The following KATNBL1 variants were observed in gnomAD, a reference collection of about 807,000 sequenced individuals.
KATNBL1 encodes katanin regulatory subunit B1 like 1, also known as KATNB1-like protein 1.
KATNBL1 carries 28 observed loss-of-function variants against 44.7 expected under a neutral mutation model. The observed-to-expected ratio is 0.63, with a 90% CI of 0.46 to 0.86. KATNBL1 has a LOEUF of 0.86. Ranked by LOEUF, KATNBL1 falls within the 40% of genes least tolerant of loss-of-function variation. The pLI is 0.00. For missense variants in KATNBL1, 272 were observed against 350.7 expected (o/e 0.78, Z 1.79); for synonymous variants, 78 against 114.9 (o/e 0.68, Z 2.06).
intron 1 of KATNBL1, among the ~76,000 whole-genome samples, chr15:34,195,693 A>AAAAAAAAAAAAAAAAAAAAAAAAAAC (rs1359933138): frequency 1.3e-5 from 2 of 150,238 alleles, no homozygotes; most frequent in African/African-American, 5.0e-5. Context: ...GCCATCTCAA[A>AAAAAAAAAAAAAAAAAAAAAAAAAAC]AAAAAAAAAA....
At chr15:34,148,772 T>G in intron 4 of KATNBL1, 22 bp from the exon 5 acceptor site, 1 of 1,351,622 alleles carries the variant, frequency 7.4e-7, no homozygotes. Context: ...TAATCTGATT[T>G]GTTAAAAAGC....
chr15:34,195,690 C>CAAAAAAAAAAAAAAAAAAAAAAAAAAAA (rs5811824), intron 1 of KATNBL1, among the ~76,000 whole-genome samples: 23 of 111,374 alleles, frequency 2.1e-4, no homozygotes, highest in African/African-American at 7.7e-4. Context: ...GACGCCATCT[C>CAAAAAAAAAAAAAAAAAAAAAAAAAAAA]AAAAAAAAAA....
chr15:34,184,932 ACTT>A (rs1454897923), intron 1 of KATNBL1, among the ~76,000 whole-genome samples: 1 of 151,044 alleles, frequency 6.6e-6, no homozygotes, highest in East Asian at 2.0e-4. Context: ...CTTCCTTTCT[ACTT>A]CATCATAGCC....
intron 4 of KATNBL1, among the ~76,000 whole-genome samples, chr15:34,152,026 T>C (rs1280743450): frequency 1.3e-5 from 2 of 151,062 alleles, no homozygotes; most frequent in Admixed American, 6.6e-5. Context: ...CTGCAACCTC[T>C]GCCTCCCAGG....
At chr15:34,157,247 G>C (rs1209139163) in intron 2 of KATNBL1, among the ~76,000 whole-genome samples, 2 of 152,220 alleles carry the variant, frequency 1.3e-5, no homozygotes, top group Non-Finnish European at 2.9e-5. Context: ...ACCCGTTTTA[G>C]CTTTAGCTTG....
Position 34,146,863 on chromosome 15 carries a change from T to C in KATNBL1, c.699-13A>G. The C allele has an allele frequency of 6.5e-7, 1 of 1,532,364 alleles. No individual in the cohort carries two copies. Among genetic ancestry groups the C allele is most frequent in the Non-Finnish European group, 9.0e-7 (1 of 1,108,266 alleles). 94.9% of individuals were successfully genotyped at this position (1,532,364 alleles called of 1,614,324 possible). On this transcript the variant is annotated splice_polypyrimidine_tract_variant and intron_variant, in intron 7 of 9. Transcript: ENST00000256544. ...AACTATAACATATCTGAAATGACAT[T>C]TTGTTACAAAATTCAAGTGTTTTCA...
intron 5 of KATNBL1, among the ~76,000 whole-genome samples, chr15:34,148,183 A>G (rs1252268478): frequency 6.6e-6 from 1 of 152,188 alleles, no homozygotes; most frequent in African/African-American, 2.4e-5. Flanking sequence ...TAGTTTTCCC[A>G]TATCGTTATC....
At position 34,140,888 on chromosome 15, in the gene KATNBL1, T is replaced by C. The variant is rs898159036; in HGVS notation, c.*1451A>G. On this transcript the variant is annotated 3_prime_UTR_variant, in exon 10 of 10. Coordinates refer to ENST00000256544, the MANE Select transcript of KATNBL1 (RefSeq NM_024713.3). ...TCACTGTGAGGAATATCTAGCTATA[T>C]AAAATATAGCTACACAAAACCAGAA... 1.3e-5 allele frequency: 2 copies of C among 152,114 alleles called. No homozygotes were observed. The highest frequency in any genetic ancestry group is 6.6e-5 in the Admixed American group (1 of 15,246). 9.4% of individuals were successfully genotyped at this position (152,114 alleles called of 1,614,324 possible). A position where few individuals can be genotyped will look rare whatever the true frequency, so the allele number is the denominator to read the frequency against.
intron 1 of KATNBL1, among the ~76,000 whole-genome samples, chr15:34,188,146 A>AAAAAAAAAAAAC: frequency 6.9e-6 from 1 of 144,708 alleles, no homozygotes; most frequent in Non-Finnish European, 1.5e-5. Context: ...GTAAAAAAAA[A>AAAAAAAAAAAAC]AAAAAAAAAA....
intron 1 of KATNBL1, among the ~76,000 whole-genome samples, chr15:34,207,429 C>T (rs776113026): frequency 2.8e-4 from 43 of 151,994 alleles, no homozygotes; most frequent in African/African-American, 7.5e-4. Flanking sequence ...AGGATGGTCT[C>T]GATCTCCTGA....
intron 2 of KATNBL1, among the ~76,000 whole-genome samples, chr15:34,155,882 T>C (rs558184046): frequency 7.9e-5 from 12 of 152,356 alleles, no homozygotes; most frequent in African/African-American, 2.9e-4. Context: ...TCTCAGGTCT[T>C]AAATTTATTT....
chr15:34,198,178 G>T (rs1173140605), intron 1 of KATNBL1: 1 of 152,180 alleles, frequency 6.6e-6, no homozygotes, highest in African/African-American at 2.4e-5. Flanking sequence ...GTAAAATTAT[G>T]AAATTCAGTG....
intron 1 of KATNBL1, among the ~76,000 whole-genome samples, chr15:34,206,013 A>G (rs533678691): frequency 1.1e-4 from 17 of 152,320 alleles, no homozygotes; most frequent in African/African-American, 4.1e-4. Flanking sequence ...CTCACCAAAG[A>G]ACACCCCTCA....
intron 3 of KATNBL1, 108 bp downstream of exon 3, chr15:34,154,536 A>G: frequency 1.3e-6 from 1 of 744,984 alleles, no homozygotes; most frequent in African/African-American, 1.8e-5. Flanking sequence ...GCTGTTTGAC[A>G]ATAAGTTAAT....
chr15:34,181,709 T>C (rs1325224727), intron 1 of KATNBL1, among the ~76,000 whole-genome samples: 1 of 31,670 alleles, frequency 3.2e-5, no homozygotes, highest in African/African-American at 9.5e-5. Flanking sequence ...TATCCATATA[T>C]ATGGACATAT....
Position 34,179,166 on chromosome 15 carries a change from CAG to C in KATNBL1, c.-14-15478_-14-15477del, listed in dbSNP as rs377730843. Among the ~76,000 whole-genome samples, 21 of 152,264 alleles carry C rather than the reference CAG, an allele frequency of 1.4e-4. No individual in the cohort carries two copies. In the South Asian group the frequency reaches 4.4e-3, roughly 32 times the overall value. On this transcript the variant is annotated intron_variant, in intron 1 of 9. Coordinates refer to ENST00000256544, the MANE Select transcript of KATNBL1 (RefSeq NM_024713.3). ...CTGAGACTGGGTAATTTATAAAGAA[CAG>C]AGGTTTATTTTGTTTAGTTCTAGAG...
At chr15:34,176,992 A>C (rs1263772442) in intron 1 of KATNBL1, among the ~76,000 whole-genome samples, 2 of 152,192 alleles carry the variant, frequency 1.3e-5, no homozygotes, top group Non-Finnish European at 2.9e-5. Flanking sequence ...AAAAGTGAAG[A>C]ATCTGAAATG....
In KATNBL1 at chr15:34,170,067, C is replaced by T. The variant is rs543624464; in HGVS notation, c.-14-6377G>A. Among the ~76,000 whole-genome samples the T allele has an allele frequency of 4.1e-3, 617 of 152,212 alleles. 6 individuals are homozygous for T. Among genetic ancestry groups the T allele is most frequent in the African/African-American group, 0.014 (591 of 41,532 alleles). ...CCTCTCTCACCACTCCTATTCAACA[C>T]AGTGTTGGAAGTTCTGGCCAGGGCA... On this transcript the variant is annotated intron_variant, in intron 1 of 9. Coordinates refer to ENST00000256544, the MANE Select transcript of KATNBL1 (RefSeq NM_024713.3).
At chr15:34,169,447 A>C (rs755854897) in intron 1 of KATNBL1, among the ~76,000 whole-genome samples, 6 of 152,226 alleles carry the variant, frequency 3.9e-5, no homozygotes, top group Admixed American at 6.5e-5. Context: ...GGCAATAATT[A>C]ATAGCCTACC....
Sources: gnomAD v4.1 joint callset for allele counts (sites outside exome capture counted in the v4.1 genomes callset) on GRCh38, gnomAD v4.1.1 for gene constraint, MANE v1.5 for transcripts, NCBI Gene and HGNC (gene_info 2026-07-23, HGNC 2026-07-21) for gene names.